Variants in ARSG observed in about 807,000 individuals in gnomAD.
ARSG encodes arylsulfatase G.
In ARSG, 37 loss-of-function variants were observed where a neutral mutation model predicts 50.5. That is an observed-to-expected ratio of 0.73 (90% CI 0.56 to 0.96). The LOEUF (loss-of-function observed/expected upper bound fraction) is 0.96. Ranked by LOEUF, ARSG falls within the 50% of genes least tolerant of loss-of-function variation. The pLI is 0.00. For missense variants in ARSG, 629 were observed against 675.3 expected (o/e 0.93, Z 0.76); for synonymous variants, 225 against 254.6 (o/e 0.88, Z 1.11).
At chr17:68,325,160 C>T (rs1555771918) in intron 2 of ARSG, among the ~76,000 whole-genome samples, 1 of 152,160 alleles carries the variant, frequency 6.6e-6, no homozygotes, top group East Asian at 1.9e-4. Flanking sequence ...AGCCACTCCT[C>T]ATCGCTTGCA....
chr17:68,356,815 T>TC lies in ARSG; in HGVS notation c.704+14dup. The TC allele has an allele frequency of 6.2e-7, 1 of 1,613,992 alleles. No individual in the cohort carries two copies. The highest frequency in any genetic ancestry group is 1.7e-4 in the Middle Eastern group (1 of 6,012). On this transcript the variant is annotated intron_variant, in intron 6 of 11. Transcript: ENST00000621439. ...CATCCAGCGTGCAAGGTGAGGAGTC[T>TC]CCCTCCCTCCGCAGGGCCTCCCCCT...
intron 9 of ARSG, 33 bp from the exon 10 acceptor site, chr17:68,395,040 G>C: frequency 6.2e-7 from 1 of 1,612,158 alleles, no homozygotes; most frequent in Non-Finnish European, 8.5e-7. Context: ...AGTCAGAAGA[G>C]CTGGGGACAA....
chr17:68,312,220 G>A (rs1018419728), intron 2 of ARSG, among the ~76,000 whole-genome samples: 4 of 152,104 alleles, frequency 2.6e-5, no homozygotes, highest in Admixed American at 6.6e-5. Context: ...GTTCTTTCCC[G>A]CTTATATTCC....
At chr17:68,377,788 CTT>C (rs1384720374) in intron 8 of ARSG, among the ~76,000 whole-genome samples, 1 of 152,230 alleles carries the variant, frequency 6.6e-6, no homozygotes, top group African/African-American at 2.4e-5. Context: ...TCTTGGGAAA[CTT>C]TGTTCTGAAG....
At chr17:68,322,414 G>A (rs2077324285) in intron 2 of ARSG, among the ~76,000 whole-genome samples, 1 of 152,128 alleles carries the variant, frequency 6.6e-6, no homozygotes, top group Admixed American at 6.5e-5. Flanking sequence ...GGATCACAAG[G>A]TCAAGAGATC....
chr17:68,297,910 T>C (rs2076264377), intron 1 of ARSG, among the ~76,000 whole-genome samples: 1 of 152,084 alleles, frequency 6.6e-6, no homozygotes, highest in Admixed American at 6.6e-5. Context: ...TACTGAGAAC[T>C]TGGGTTGGAT....
chr17:68,265,848 A>C lies in ARSG; in HGVS notation c.-552+6422A>C, dbSNP rs578105069. On this transcript the variant is annotated intron_variant, in intron 1 of 11. Coordinates refer to the ARSG transcript ENST00000448504. ...TCACATTTCAGTATCCGTAAATAAA[A>C]TTCCATTGAAACATGGCCACGTTCA... 3.3e-5 allele frequency among the ~76,000 whole-genome samples: 5 copies of C among 152,192 alleles called. No individual in the cohort carries two copies. In the South Asian group the frequency reaches 8.3e-4, roughly 25 times the overall value.
chr17:68,433,053 GATAA>G, the ARSG span, among the ~76,000 whole-genome samples: 1 of 152,312 alleles, frequency 6.6e-6, no homozygotes, highest in South Asian at 2.1e-4. Context: ...TGGCAACAAT[GATAA>G]ATAAATATAT....
intron 8 of ARSG, among the ~76,000 whole-genome samples, chr17:68,375,062 A>G (rs1449756787): frequency 6.6e-6 from 1 of 152,150 alleles, no homozygotes. Flanking sequence ...CCCAGCCGCA[A>G]GGAATAATAG....
chr17:68,272,309 T>C (rs181943805), intron 1 of ARSG, among the ~76,000 whole-genome samples: 11 of 152,314 alleles, frequency 7.2e-5, no homozygotes, highest in African/African-American at 2.2e-4. Context: ...TAAATCCACA[T>C]TGAATGTAGC....
chr17:68,426,249 C>CGGGGGGGGGGGGGGGGGG, downstream of ARSG: 1 of 776,014 alleles, frequency 1.3e-6, no homozygotes, highest in African/African-American at 1.9e-5. Flanking sequence ...GGGTGGGGAG[C>CGGGGGGGGGGGGGGGGGG]GGGGGCTCAA....
intron 1 of ARSG, chr17:68,272,613 T>C (rs782720211): frequency 1.2e-6 from 2 of 1,611,554 alleles, no homozygotes; most frequent in Admixed American, 1.7e-5. Context: ...TCCACATTCA[T>C]ACTTAGGCTG....
chr17:68,364,575 G>T (rs888606135), intron 6 of ARSG, among the ~76,000 whole-genome samples: 1 of 152,104 alleles, frequency 6.6e-6, no homozygotes, highest in Non-Finnish European at 1.5e-5. Context: ...GGCCAGGCTG[G>T]TCTTGAACTC....
intron 2 of ARSG, among the ~76,000 whole-genome samples, chr17:68,309,324 G>A (rs534131322): frequency 2.0e-5 from 3 of 152,358 alleles, no homozygotes; most frequent in Non-Finnish European, 4.4e-5. Flanking sequence ...GAGGGAGCCG[G>A]CTCTCGCCTT....
intron 8 of ARSG, among the ~76,000 whole-genome samples, chr17:68,380,741 G>A (rs181188786): frequency 1.3e-5 from 2 of 152,262 alleles, no homozygotes; most frequent in Admixed American, 1.3e-4. Context: ...CAGAGGTTAT[G>A]CCCAGATTTT....
chr17:68,358,414 C>T (rs534629742), intron 6 of ARSG, among the ~76,000 whole-genome samples: 4 of 150,294 alleles, frequency 2.7e-5, no homozygotes, highest in South Asian at 4.2e-4. Flanking sequence ...AGTGGCTGGG[C>T]GCGGTGGCTC....
chr17:68,414,228 G>A (rs1007236877), intron 11 of ARSG: 1 of 152,190 alleles, frequency 6.6e-6, no homozygotes, highest in Non-Finnish European at 1.5e-5. Context: ...ATCATAAAGC[G>A]ATGCTGGATT....
chr17:68,450,960 C>G, the ARSG span: 2 of 1,555,034 alleles, frequency 1.3e-6, no homozygotes, highest in African/African-American at 1.4e-5. Context: ...ATTCCAGCCT[C>G]CATGACACTG....
intron 2 of ARSG, among the ~76,000 whole-genome samples, chr17:68,309,871 A>G (rs1220797457): frequency 1.3e-5 from 2 of 151,904 alleles, no homozygotes; most frequent in Non-Finnish European, 2.9e-5. Context: ...AAAAAAATAA[A>G]TAAAATAAAA....
Sources: gnomAD v4.1 joint callset for allele counts (sites outside exome capture counted in the v4.1 genomes callset) on GRCh38, gnomAD v4.1.1 for gene constraint, MANE v1.5 for transcripts, NCBI Gene and HGNC (gene_info 2026-07-23, HGNC 2026-07-21) for gene names.